TACC2: variants seen among roughly 807,000 people sequenced by gnomAD.
TACC2 encodes transforming acidic coiled-coil containing protein 2.
Under a neutral mutation model 227.3 loss-of-function variants are expected in TACC2, and 137 were observed. The observed-to-expected ratio is 0.60, with a 90% CI of 0.52 to 0.69. The LOEUF is 0.69. Ranked by LOEUF, TACC2 falls within the 30% of genes least tolerant of loss-of-function variation. TACC2 has a pLI of 0.00. For missense variants in TACC2, 3,470 were observed against 3,694.4 expected (o/e 0.94, Z 1.57); for synonymous variants, 1,523 against 1,487.5 (o/e 1.02, Z -0.55).
At position 122,021,112 on chromosome 10, in the gene TACC2, C is replaced by T. The variant is rs181739424; in HGVS notation, c.-45-825C>T. ...AGGTGTGGTGGCGGGCGTCTGTAAT[C>T]CCAGCTACTCAGGAGGCTGAGGCAG... On this transcript the variant is annotated intron_variant, in intron 1 of 22. Coordinates refer to ENST00000369005, the MANE Select transcript of TACC2 (RefSeq NM_206862.4). 5.4e-3 allele frequency among the ~76,000 whole-genome samples: 826 copies of T among 152,140 alleles called. 6 individuals are homozygous for T. The highest frequency in any genetic ancestry group is 0.01 in the Non-Finnish European group (694 of 67,982).
chr10:122,010,540 A>G (rs986551720), intron 1 of TACC2, among the ~76,000 whole-genome samples: 5 of 152,190 alleles, frequency 3.3e-5, no homozygotes, highest in African/African-American at 9.7e-5. Flanking sequence ...ATCCCCAGAG[A>G]GGTTGACACA....
Position 122,141,559 on chromosome 10 carries a change from G to C in TACC2, c.5700-2013G>C, listed in dbSNP as rs1302275418. 6.6e-6 allele frequency among the ~76,000 whole-genome samples: 1 copy of C among 152,084 alleles called. No homozygotes were observed. The highest frequency in any genetic ancestry group is 1.5e-5 in the Non-Finnish European group (1 of 68,014). On this transcript the variant is annotated intron_variant, in intron 6 of 22. Transcript: ENST00000369005. This position sits in a 1 kb window ranked among gnomAD's most constrained non-coding sequence, Gnocchi z 4.3. Reference sequence around the variant, plus strand: ...AGTGAGCCTTGGTTGTGCTGCCCCAGGGTGTTCTCAGAGATGGGGCAGGTG... The same window carrying C: ...AGTGAGCCTTGGTTGTGCTGCCCCACGGTGTTCTCAGAGATGGGGCAGGTG...
At chr10:122,190,465 G>A (rs2094370106) in intron 7 of TACC2, among the ~76,000 whole-genome samples, 1 of 152,180 alleles carries the variant, frequency 6.6e-6, no homozygotes, top group Non-Finnish European at 1.5e-5. Context: ...CACAGTCGAG[G>A]AGCTCGGCAG....
At chr10:122,093,263 G>A (rs981721582) in intron 5 of TACC2, among the ~76,000 whole-genome samples, 4 of 152,154 alleles carry the variant, frequency 2.6e-5, no homozygotes, top group African/African-American at 9.7e-5. Flanking sequence ...AGGACAGAGA[G>A]GACAGCTGGC....
At chr10:122,235,911 C>T (rs551469519) in intron 16 of TACC2, among the ~76,000 whole-genome samples, 1 of 152,220 alleles carries the variant, frequency 6.6e-6, no homozygotes, top group East Asian at 1.9e-4. Flanking sequence ...TCATTTGGGT[C>T]CTGCTTCAGG....
At position 122,087,933 on chromosome 10, in the gene TACC2, G is replaced by A. The variant is rs764481500; in HGVS notation, c.5433G>A (p.Leu1811=). Residue 1811 remains leucine, a synonymous_variant, in exon 4 of 23, where the codon TTG becomes TTA. Transcript: ENST00000369005. ...CTCACGACCCGAAGCTGCAACATTT[G>A]GCTCCAGAAGAGCTCCACACTGACA... ...DETHDPKLQH[L]APEELHTDRE... 7 of 1,510,956 alleles carry A rather than the reference G, an allele frequency of 4.6e-6. No individual in the cohort carries two copies. The highest frequency in any genetic ancestry group is 4.4e-6 in the Non-Finnish European group (5 of 1,130,106). The allele number at this position is 1,510,956 out of a possible 1,614,324, so 93.6% of individuals were successfully genotyped here. A position where few individuals can be genotyped will look rare whatever the true frequency, so the allele number is the denominator to read the frequency against.
chr10:122,048,900 A>G (rs1180973649), intron 2 of TACC2, among the ~76,000 whole-genome samples: 1 of 152,208 alleles, frequency 6.6e-6, no homozygotes, highest in Non-Finnish European at 1.5e-5. Context: ...GTACATAAAC[A>G]AAGAGTCCTG....
chr10:122,108,985 G>A (rs1565324223), intron 5 of TACC2, among the ~76,000 whole-genome samples: 1 of 152,090 alleles, frequency 6.6e-6, no homozygotes, highest in Non-Finnish European at 1.5e-5. Flanking sequence ...CGCCCACCTC[G>A]GCCTCCCAGA....
At chr10:122,184,792 A>T (rs184583690) in intron 7 of TACC2, among the ~76,000 whole-genome samples, 69 of 152,024 alleles carry the variant, frequency 4.5e-4, no homozygotes, top group Non-Finnish European at 7.4e-4. Flanking sequence ...CACATTTCTT[A>T]ATTTGCTGGG....
chr10:122,069,073 G>A (rs1267676350), intron 3 of TACC2, among the ~76,000 whole-genome samples: 1 of 97,378 alleles, frequency 1.0e-5, no homozygotes, highest in African/African-American at 4.1e-5. Context: ...CCCCTCTCTA[G>A]TATTCTACTC....
At chr10:122,196,933 CAAA>C (rs58473562) in intron 8 of TACC2, among the ~76,000 whole-genome samples, 2 of 78,240 alleles carry the variant, frequency 2.6e-5, no homozygotes, top group Non-Finnish European at 4.8e-5. Context: ...GAGTCCGTCT[CAAA>C]AAAAAAAAAA....
At chr10:122,143,789 G>A in intron 7 of TACC2, 83 bp downstream of exon 7, 8 of 1,470,392 alleles carry the variant, frequency 5.4e-6, no homozygotes, top group Non-Finnish European at 6.5e-6. Context: ...CTTGGGGTGA[G>A]CCGCATTTAG....
At chr10:122,005,964 G>T (rs921603816) in intron 1 of TACC2, among the ~76,000 whole-genome samples, 1 of 152,010 alleles carries the variant, frequency 6.6e-6, no homozygotes, top group African/African-American at 2.4e-5. Flanking sequence ...CAAAGTGTTG[G>T]GATTATAGGT....
At chr10:122,214,688 C>T (rs2095365067) in intron 9 of TACC2, among the ~76,000 whole-genome samples, 1 of 152,152 alleles carries the variant, frequency 6.6e-6, no homozygotes. Context: ...CTTCAGGAGT[C>T]TGATTTGGTG....
At chr10:122,009,035 T>C (rs529697347) in intron 1 of TACC2, among the ~76,000 whole-genome samples, 1 of 152,288 alleles carries the variant, frequency 6.6e-6, no homozygotes, top group African/African-American at 2.4e-5. Flanking sequence ...CTGCCCTCTG[T>C]ATTGTCCCAA....
chr10:122,136,315 C>T (rs1332168814), intron 6 of TACC2, among the ~76,000 whole-genome samples: 5 of 151,980 alleles, frequency 3.3e-5, no homozygotes, highest in Admixed American at 1.3e-4. Flanking sequence ...GCGATTTAAG[C>T]GCAGCAGTGT....
intron 2 of TACC2, chr10:122,022,477 C>T (rs1487937665): frequency 2.0e-5 from 3 of 153,700 alleles, no homozygotes; most frequent in Non-Finnish European, 2.9e-5. Flanking sequence ...CTTGAACTCC[C>T]GGACTCAAGT....
At chr10:122,216,479 TG>T in intron 10 of TACC2, 147 bp from the exon 11 acceptor site, 1 of 680,750 alleles carries the variant, frequency 1.5e-6, no homozygotes. Context: ...GTTTCCTTAA[TG>T]GACCATTTGG....
intron 7 of TACC2, among the ~76,000 whole-genome samples, chr10:122,185,866 C>T (rs1363833695): frequency 6.6e-6 from 1 of 152,176 alleles, no homozygotes; most frequent in East Asian, 1.9e-4. Flanking sequence ...TTGAAAGCTC[C>T]TTCTGTGTCT....
Sources: allele counts gnomAD v4.1 joint callset (sites outside exome capture counted in the v4.1 genomes callset), GRCh38; gene constraint gnomAD v4.1.1; non-coding constraint Gnocchi (gnomAD v3.1); transcripts MANE v1.5; gene names NCBI Gene and HGNC (gene_info 2026-07-23, HGNC 2026-07-21).